The following FSIP2 variants were observed in gnomAD, a reference collection of about 807,000 sequenced individuals.
FSIP2 encodes fibrous sheath-interacting protein 2.
Under a neutral mutation model 510.5 loss-of-function variants are expected in FSIP2, and 367 were observed. The observed-to-expected ratio is 0.72, with a 90% CI of 0.66 to 0.78. FSIP2 has a LOEUF of 0.78. FSIP2 is among the 30% of genes least tolerant of loss of function. The probability of loss-of-function intolerance (pLI) is 0.00; values close to 1 mark genes in which losing one functional copy is unlikely to be tolerated. For missense variants in FSIP2, 7,594 were observed against 7,901.7 expected (o/e 0.96, Z 1.48); for synonymous variants, 2,601 against 2,732.2 (o/e 0.95, Z 1.50).
rs950045696 is a variant in FSIP2 at position 185,806,285 on chromosome 2, C to T, written c.16979C>T (p.Ser5660Phe). ...TCAAGCAATGAGGGGAGAAGAGACTCTCCAACACAAACGTGTAGGGATGAG... is the reference window on the plus strand; with the variant it reads ...TCAAGCAATGAGGGGAGAAGAGACTTTCCAACACAAACGTGTAGGGATGAG... ...RTSSNEGRRD[S>F]PTQTCRDEEH... The change falls in exon 17 of 23, where the codon TCT becomes TTT. Residue 5660 changes from serine to phenylalanine, a missense_variant. By Grantham distance (155) the Ser-to-Phe change is radical. Coordinates refer to ENST00000424728, the MANE Select transcript of FSIP2 (RefSeq NM_173651.4). 2 of 1,609,128 alleles carry T rather than the reference C, an allele frequency of 1.2e-6. No homozygotes were observed. Among genetic ancestry groups the T allele is most frequent in the Non-Finnish European group, 1.7e-6 (2 of 1,177,514 alleles).
At chr2:185,797,693 ATTATT>A (rs1643691734) in intron 16 of FSIP2, 167 bp downstream of exon 16, 2 of 678,672 alleles carry the variant, frequency 2.9e-6, no homozygotes, top group Non-Finnish European at 5.1e-6. Context: ...TTTTAAATGT[ATTATT>A]TTATTTTATT....
In FSIP2 at chr2:185,801,281, G is replaced by A; in HGVS notation, c.11975G>A (p.Trp3992Ter). Residue 3992 changes from tryptophan (W) to a stop codon, truncating the protein, a stop_gained, in exon 17 of 23, where the codon TGG (tryptophan) becomes TAG (stop). Coordinates refer to ENST00000424728, the MANE Select transcript of FSIP2 (RefSeq NM_173651.4). LOFTEE classifies it high-confidence loss of function. ...TTTTTTAATCTCTCTATGTCATTGT[G>A]GGGCAAAAATAAAAACATCACTGTG... ...ELFFNLSMSL[W>*]GKNKNITVSW... 6.5e-7 allele frequency: 1 copy of A among 1,533,484 alleles called. No individual in the cohort carries two copies. Among genetic ancestry groups the A allele is most frequent in the Non-Finnish European group, 8.7e-7 (1 of 1,145,322 alleles). The allele number at this position is 1,533,484 out of a possible 1,614,324, so 95.0% of individuals were successfully genotyped here.
At chr2:185,797,675 T>G (rs946048995) in intron 16 of FSIP2, 149 bp downstream of exon 16, 3 of 722,646 alleles carry the variant, frequency 4.2e-6, no homozygotes, top group Admixed American at 4.3e-5. Context: ...AGTTGCACTT[T>G]AATTTTATTT....
chr2:185,821,237 A>G (rs1693914129), intron 19 of FSIP2, among the ~76,000 whole-genome samples: 1 of 151,874 alleles, frequency 6.6e-6, no homozygotes, highest in Admixed American at 6.6e-5. Flanking sequence ...ACAGCTTGTC[A>G]AGACTGAATT....
chr2:185,792,390 T>A lies in FSIP2; in HGVS notation c.5254T>A (p.Ser1752Thr), dbSNP rs781620972. Residue 1752 changes from serine (S) to threonine (T), a missense_variant, in exon 16 of 23, where the codon TCT becomes ACT. By Grantham distance (58) the Ser-to-Thr change is moderately conservative. Transcript: ENST00000424728. ...ACAAAGAGAAGAAGTGAAAACACGTTCTCTTAAACAATGGGCTCTCGAAAA... is the reference window on the plus strand; with the variant it reads ...ACAAAGAGAAGAAGTGAAAACACGTACTCTTAAACAATGGGCTCTCGAAAA... ...SPQREEVKTRSLKQWALEKTL... is the reference protein window; with the variant it reads ...SPQREEVKTRTLKQWALEKTL... 205 of 1,533,178 alleles carry A rather than the reference T, an allele frequency of 1.3e-4. No individual in the cohort carries two copies. Among genetic ancestry groups the A allele is most frequent in the Non-Finnish European group, 1.7e-4 (194 of 1,145,326 alleles). The allele number at this position is 1,533,178 out of a possible 1,614,324, so 95.0% of individuals were successfully genotyped here. A position where few individuals can be genotyped will look rare whatever the true frequency, so the allele number is the denominator to read the frequency against.
Position 185,793,822 on chromosome 2 carries a change from A to G in FSIP2, c.6686A>G (p.Gln2229Arg), listed in dbSNP as rs750539391. The G allele has an allele frequency of 6.5e-6, 10 of 1,532,646 alleles. No homozygotes were observed. Among genetic ancestry groups the G allele is most frequent in the South Asian group, 1.2e-5 (1 of 83,536 alleles). The allele number at this position is 1,532,646 out of a possible 1,614,324, so 94.9% of individuals were successfully genotyped here. A position where few individuals can be genotyped will look rare whatever the true frequency, so the allele number is the denominator to read the frequency against. ...NQKSAYADDN[Q>R]ITVVEKEDTQ... Reference sequence around the variant, plus strand: ...AAATCAGCTTATGCTGATGATAATCAGATAACTGTAGTAGAGAAAGAAGAC... The same window carrying G: ...AAATCAGCTTATGCTGATGATAATCGGATAACTGTAGTAGAGAAAGAAGAC... Residue 2229 changes from glutamine (Q) to arginine (R), a missense_variant, in exon 16 of 23, where the codon CAG becomes CGG. Physicochemically the swap from Gln to Arg is conservative, Grantham distance 43. Coordinates refer to ENST00000424728, the MANE Select transcript of FSIP2 (RefSeq NM_173651.4).
intron 11 of FSIP2, among the ~76,000 whole-genome samples, chr2:185,762,415 A>C (rs926502436): frequency 6.6e-6 from 1 of 151,376 alleles, no homozygotes; most frequent in Non-Finnish European, 1.5e-5. Context: ...TTCATTACCC[A>C]ATATCTGTGT....
intron 13 of FSIP2, among the ~76,000 whole-genome samples, chr2:185,775,866 G>T (rs1692705732): frequency 1.3e-5 from 2 of 152,174 alleles, no homozygotes. Context: ...GTTTCTCCAT[G>T]TTGGCCAGGC....
At chr2:185,828,226 G>A in intron 21 of FSIP2, 27 bp downstream of exon 21, 2 of 1,324,154 alleles carry the variant, frequency 1.5e-6, no homozygotes, top group Non-Finnish European at 2.2e-6. Context: ...AGCCTTAGTT[G>A]ATATATATTA....
In FSIP2 at chr2:185,763,217, T is replaced by C; in HGVS notation, c.1275T>C (p.Ile425=). Residue 425 remains isoleucine, a synonymous_variant, in exon 12 of 23, where the codon ATT becomes ATC. Coordinates refer to ENST00000424728, the MANE Select transcript of FSIP2 (RefSeq NM_173651.4). ...GINISGQGSI[I]SAQVSPTRNF... is the part of the protein sequence containing the mutation. ...ATATTTCAGGCCAAGGTTCAATTAT[T>C]TCAGCGCAGGTATCACCCACGAGAA... The C allele has an allele frequency of 1.3e-6, 2 of 1,514,752 alleles. No homozygotes were observed. Among genetic ancestry groups the C allele is most frequent in the Non-Finnish European group, 1.8e-6 (2 of 1,128,172 alleles). 93.8% of individuals were successfully genotyped at this position (1,514,752 alleles called of 1,614,324 possible).
Position 185,790,995 on chromosome 2 carries a change from T to C in FSIP2, c.3859T>C (p.Leu1287=), listed in dbSNP as rs905853300. The C allele has an allele frequency of 3.9e-6, 6 of 1,529,316 alleles. No homozygotes were observed. The highest frequency in any genetic ancestry group is 5.2e-6 in the Non-Finnish European group (6 of 1,143,350). 94.7% of individuals were successfully genotyped at this position (1,529,316 alleles called of 1,614,324 possible). Residue 1287 remains leucine (L), a synonymous_variant, in exon 16 of 23, where the codon TTA becomes CTA. Transcript: ENST00000424728. ...PKLHMGFKSS[L]RSQLSKYTAK... ...ATTGCATATGGGCTTCAAATCTTCA[T>C]TACGATCTCAACTTAGTAAGTACAC...
rs930886759 is a variant in FSIP2, at chr2:185,803,738, G to C, written c.14432G>C (p.Ser4811Thr). Residue 4811 changes from serine (S) to threonine (T), a missense_variant, in exon 17 of 23, where the codon AGT becomes ACT. Transcript: ENST00000424728. ...LTSQISPLNT[S>T]AEQSDTTKSD... Reference sequence around the variant, plus strand: ...TCTCAGATAAGTCCATTGAACACCAGTGCAGAGCAGTCAGATACTACTAAA... The same window carrying C: ...TCTCAGATAAGTCCATTGAACACCACTGCAGAGCAGTCAGATACTACTAAA... 4 of 1,532,606 alleles carry C rather than the reference G, an allele frequency of 2.6e-6. No individual in the cohort carries two copies. The African/African-American group carries it at 5.5e-5, about 21-fold the overall frequency. The allele number at this position is 1,532,606 out of a possible 1,614,324, so 94.9% of individuals were successfully genotyped here.
At chr2:185,740,278 T>G (rs933019822) in intron 2 of FSIP2, 1 of 152,232 alleles carries the variant, frequency 6.6e-6, no homozygotes, top group African/African-American at 2.4e-5. Flanking sequence ...GCCCTTGATT[T>G]GTGTGATCTC....
At chr2:185,754,306 C>T (rs927391200) in intron 8 of FSIP2, among the ~76,000 whole-genome samples, 1 of 151,408 alleles carries the variant, frequency 6.6e-6, no homozygotes, top group Non-Finnish European at 1.5e-5. Flanking sequence ...TACCAGCTTC[C>T]TTTATTTATA....
At position 185,807,514 on chromosome 2, in the gene FSIP2, G is replaced by A; in HGVS notation, c.18208G>A (p.Val6070Ile). 1 of 1,611,382 alleles carries A rather than the reference G, an allele frequency of 6.2e-7. No homozygotes were observed. The highest frequency in any genetic ancestry group is 1.1e-5 in the South Asian group (1 of 90,804). ...SQDKYMTIQYVETLQSDDDEI... is the reference protein window; with the variant it reads ...SQDKYMTIQYIETLQSDDDEI... The stretch of plus-strand genomic sequence containing the variant: ...AGATAAATATATGACTATACAGTAT[G>A]TAGAAACCTTACAATCTGATGATGA... Residue 6070 changes from valine (V) to isoleucine (I), a missense_variant, in exon 17 of 23, where the codon GTA (valine) becomes ATA (isoleucine). Coordinates refer to ENST00000424728, the MANE Select transcript of FSIP2 (RefSeq NM_173651.4).
rs1386569871 is a variant in FSIP2 at position 185,795,308 on chromosome 2, T to C, written c.8172T>C (p.Asn2724=). 1 of 1,534,798 alleles carries C rather than the reference T, an allele frequency of 6.5e-7. No individual in the cohort carries two copies. The highest frequency in any genetic ancestry group is 1.4e-5 in the African/African-American group (1 of 72,856). The part of the protein sequence containing the change: ...SHIMSAGDAK[N]LLDTKLPTSE... ...TCATGTCAGCTGGAGATGCCAAAAA[T>C]TTACTGGACACAAAATTGCCCACTT... The change falls in exon 16 of 23, where the codon AAT becomes AAC. Residue 2724 remains asparagine (N), a synonymous_variant. Transcript: ENST00000424728.
chr2:185,806,355 T>C lies in FSIP2; in HGVS notation c.17049T>C (p.Asn5683=). The change falls in exon 17 of 23, where the codon AAT becomes AAC. Residue 5683 remains asparagine (N), a synonymous_variant. Coordinates refer to ENST00000424728, the MANE Select transcript of FSIP2 (RefSeq NM_173651.4). ...DYEHVQNVIE[N]IFEDVLELSS... ...AACATGTTCAAAATGTCATTGAAAATATTTTTGAAGATGTTTTAGAACTAT... is the reference window on the plus strand; with the variant it reads ...AACATGTTCAAAATGTCATTGAAAACATTTTTGAAGATGTTTTAGAACTAT... 6.2e-7 allele frequency: 1 copy of C among 1,610,254 alleles called. No individual in the cohort carries two copies. The highest frequency in any genetic ancestry group is 1.1e-5 in the South Asian group (1 of 90,716).
Position 185,795,703 on chromosome 2 carries a change from G to A in FSIP2, c.8567G>A (p.Cys2856Tyr). 1.3e-6 allele frequency: 2 copies of A among 1,531,978 alleles called. No homozygotes were observed. Among genetic ancestry groups the A allele is most frequent in the Non-Finnish European group, 1.7e-6 (2 of 1,144,330 alleles). The allele number at this position is 1,531,978 out of a possible 1,614,324, so 94.9% of individuals were successfully genotyped here. Residue 2856 changes from cysteine (C) to tyrosine (Y), a missense_variant, in exon 16 of 23, where the codon TGT becomes TAT. Physicochemically the swap from Cys to Tyr is radical, Grantham distance 194 (BLOSUM62 -2). Transcript: ENST00000424728. ...TESNDKENEKCKLLMIAENVL... is the reference protein window; with the variant it reads ...TESNDKENEKYKLLMIAENVL... The stretch of plus-strand genomic sequence containing the variant: ...TCAAATGACAAGGAAAATGAAAAAT[G>A]TAAGCTATTGATGATAGCTGAAAAT...
chr2:185,809,254 T>C (rs963699015), intron 17 of FSIP2, 121 bp downstream of exon 17: 5 of 1,080,354 alleles, frequency 4.6e-6, no homozygotes, highest in East Asian at 2.7e-5. Context: ...CTCAGCCCAA[T>C]AGGAGAATTA....
Sources: allele counts gnomAD v4.1 joint callset (sites outside exome capture counted in the v4.1 genomes callset), GRCh38; gene constraint gnomAD v4.1.1; transcripts MANE v1.5; gene names NCBI Gene and HGNC (gene_info 2026-07-23, HGNC 2026-07-21).